The following PDE4B variants were observed in gnomAD, a reference collection of about 807,000 sequenced individuals.
The protein encoded by PDE4B is phosphodiesterase 4B, also known as 3',5'-cyclic-AMP phosphodiesterase 4B.
In PDE4B, 20 loss-of-function variants were observed where a neutral mutation model predicts 82.2. That is an observed-to-expected ratio of 0.24 (90% CI 0.17 to 0.35). The LOEUF (loss-of-function observed/expected upper bound fraction) is 0.35, where lower values mean the gene tolerates loss of function less well. Ranked by LOEUF, PDE4B falls within the 10% of genes least tolerant of loss-of-function variation. The probability of loss-of-function intolerance (pLI) is 1.00; values close to 1 mark genes in which losing one functional copy is unlikely to be tolerated. For missense variants in PDE4B, 655 were observed against 907.2 expected, an observed-to-expected ratio of 0.72 and a Z score of 3.57; for synonymous variants, 320 against 318.9, an observed-to-expected ratio of 1.00 and a Z score of -0.04.
intron 3 of PDE4B, among the ~76,000 whole-genome samples, chr1:66,169,806 C>T (rs1646804656): frequency 1.3e-5 from 2 of 152,162 alleles, no homozygotes; most frequent in South Asian, 4.1e-4. Context: ...ATTTGGGAAA[C>T]TCAAATTATT....
chr1:66,096,198 C>T (rs1028359323), intron 3 of PDE4B, among the ~76,000 whole-genome samples: 3 of 151,628 alleles, frequency 2.0e-5, no homozygotes, highest in Non-Finnish European at 4.4e-5. Context: ...CCTCTAGTAT[C>T]CTCTGTTCTA....
intron 3 of PDE4B, among the ~76,000 whole-genome samples, chr1:66,086,653 G>T (rs1657021521): frequency 6.6e-6 from 1 of 152,048 alleles, no homozygotes; most frequent in African/African-American, 2.4e-5. Flanking sequence ...TTGACTCTTT[G>T]TTTCTGCGAA....
chr1:66,324,056 G>C (rs1659588778), intron 7 of PDE4B, among the ~76,000 whole-genome samples: 1 of 152,108 alleles, frequency 6.6e-6, no homozygotes, highest in Non-Finnish European at 1.5e-5. Flanking sequence ...AAATGCCAAA[G>C]GCAGAGTTCT....
chr1:66,262,650 C>T (rs1479361728), intron 6 of PDE4B, among the ~76,000 whole-genome samples: 1 of 152,230 alleles, frequency 6.6e-6, no homozygotes, highest in South Asian at 2.1e-4. Flanking sequence ...CTGGCATTCT[C>T]ATGCCCTACA....
chr1:66,174,972 G>A (rs1462558161), intron 3 of PDE4B, among the ~76,000 whole-genome samples: 1 of 152,052 alleles, frequency 6.6e-6, no homozygotes, highest in South Asian at 2.1e-4. Flanking sequence ...GAGGTGTCAC[G>A]CTTAAACCAT....
chr1:66,258,198 C>A (rs1317299587), intron 6 of PDE4B, among the ~76,000 whole-genome samples: 1 of 152,114 alleles, frequency 6.6e-6, no homozygotes, highest in Non-Finnish European at 1.5e-5. Flanking sequence ...TATTAAAATT[C>A]TTTTTGAATA....
At chr1:65,804,990 A>T (rs1170162054) in intron 1 of PDE4B, among the ~76,000 whole-genome samples, 1 of 150,766 alleles carries the variant, frequency 6.6e-6, no homozygotes, top group Non-Finnish European at 1.5e-5. Context: ...GGGAGGACTG[A>T]ATCTCACTCT....
At chr1:65,806,614 A>G (rs1273081814) in intron 1 of PDE4B, among the ~76,000 whole-genome samples, 1 of 152,202 alleles carries the variant, frequency 6.6e-6, no homozygotes, top group African/African-American at 2.4e-5. Flanking sequence ...CACTTTATGT[A>G]CCATCAGTAG....
At chr1:65,926,784 T>TAC (rs142986688) in intron 3 of PDE4B, among the ~76,000 whole-genome samples, 61,231 of 150,296 alleles carry the variant, frequency 0.41, 14,397 homozygotes, top group Non-Finnish European at 0.54. Context: ...AAATAACAAA[T>TAC]ACACACACAC....
intron 7 of PDE4B, among the ~76,000 whole-genome samples, chr1:66,311,067 T>C (rs546731828): frequency 2.6e-5 from 4 of 152,278 alleles, no homozygotes; most frequent in Non-Finnish European, 4.4e-5. Context: ...TTGAACGGTG[T>C]TGTCTGGTGC....
At chr1:66,253,284 AAATTAC>A (rs1258228413) in intron 4 of PDE4B, among the ~76,000 whole-genome samples, 3 of 152,230 alleles carry the variant, frequency 2.0e-5, no homozygotes, top group Non-Finnish European at 4.4e-5. Context: ...AAAATTAAGG[AAATTAC>A]AAGTTAATTT....
At chr1:65,836,411 C>G (rs1646140152) in intron 1 of PDE4B, among the ~76,000 whole-genome samples, 1 of 152,156 alleles carries the variant, frequency 6.6e-6, no homozygotes, top group Non-Finnish European at 1.5e-5. Flanking sequence ...ATATTGATTA[C>G]ATGTGATGGT....
At chr1:65,992,720 A>G in intron 3 of PDE4B, 2 of 1,347,256 alleles carry the variant, frequency 1.5e-6, no homozygotes, top group Non-Finnish European at 1.9e-6. Flanking sequence ...GCTCCTTGTG[A>G]CAGCCTGACT....
chr1:66,273,268 G>C (rs1364727807), intron 7 of PDE4B, among the ~76,000 whole-genome samples: 1 of 152,126 alleles, frequency 6.6e-6, no homozygotes, highest in Non-Finnish European at 1.5e-5. Flanking sequence ...AATACACCAG[G>C]ATCTTCTTGC....
chr1:66,059,528 C>T (rs1655477153), intron 3 of PDE4B, among the ~76,000 whole-genome samples: 1 of 152,168 alleles, frequency 6.6e-6, no homozygotes, highest in Admixed American at 6.5e-5. Context: ...GCTGGGGAGG[C>T]CTCACAATCA....
At chr1:66,249,012 T>C (rs796519666) in intron 4 of PDE4B, among the ~76,000 whole-genome samples, 2 of 152,170 alleles carry the variant, frequency 1.3e-5, no homozygotes, top group African/African-American at 4.8e-5. Context: ...AGCCTGACCA[T>C]ATTAAAAACT....
chr1:66,363,016 T>C (rs783040), intron 10 of PDE4B, 152 bp from the exon 11 acceptor site: 436,207 of 569,686 alleles, frequency 0.77, 168,502 homozygotes, highest in East Asian at 0.95. Context: ...ACCTCCTAGG[T>C]CATTTAACTT....
intron 1 of PDE4B, among the ~76,000 whole-genome samples, chr1:65,911,003 A>G (rs1647084371): frequency 6.6e-6 from 1 of 152,134 alleles, no homozygotes; most frequent in Admixed American, 6.6e-5. Context: ...TTTTTATTGT[A>G]GAACATTTGG....
At chr1:65,837,122 G>A (rs1238030923) in intron 1 of PDE4B, among the ~76,000 whole-genome samples, 3 of 151,042 alleles carry the variant, frequency 2.0e-5, no homozygotes, top group Non-Finnish European at 2.9e-5. Context: ...AAGCTACCAT[G>A]GTGATAGATA....
Sources: gnomAD v4.1 joint callset for allele counts (sites outside exome capture counted in the v4.1 genomes callset) on GRCh38, gnomAD v4.1.1 for gene constraint, MANE v1.5 for transcripts, NCBI Gene and HGNC (gene_info 2026-07-23, HGNC 2026-07-21) for gene names.